The following VPS35L variants were observed in gnomAD, a reference collection of about 807,000 sequenced individuals.
VPS35L encodes VPS35 endosomal protein-sorting factor-like.
VPS35L carries 83 observed loss-of-function variants against 133.0 expected under a neutral mutation model. The ratio of observed to expected loss-of-function variants is 0.62; its 90% CI spans 0.52 to 0.75. VPS35L has a LOEUF of 0.75. VPS35L is among the 30% of genes least tolerant of loss of function. The probability of loss-of-function intolerance (pLI) is 0.00; values close to 1 mark genes in which losing one functional copy is unlikely to be tolerated. For synonymous variants in VPS35L, 423 were observed against 449.9 expected (o/e 0.94, Z 0.76); for missense variants, 1,083 against 1,206.8 (o/e 0.90, Z 1.52).
rs1490978135 is a variant in VPS35L at position 19,699,887 on chromosome 16, T to A, written c.2793+239T>A. Among the ~76,000 whole-genome samples, 1 of 152,118 alleles carries A rather than the reference T, an allele frequency of 6.6e-6. No individual in the cohort carries two copies. The highest frequency in any genetic ancestry group is 1.5e-5 in the Non-Finnish European group (1 of 68,026). Reference sequence around the variant, plus strand: ...CTGAGACAGGAGGATCGCTTGAGGCTAAGGGTTTGACACCAGCCTGGGCAA... The same window carrying A: ...CTGAGACAGGAGGATCGCTTGAGGCAAAGGGTTTGACACCAGCCTGGGCAA... On this transcript the variant is annotated intron_variant, in intron 30 of 30. Coordinates refer to ENST00000417362, the MANE Select transcript of VPS35L (RefSeq NM_020314.7). The surrounding 1 kb of genome is among the most constrained non-coding windows in gnomAD (Gnocchi z 4.2).
chr16:19,601,704 T>G lies in VPS35L; in HGVS notation c.765T>G (p.Asp255Glu). 3 of 1,614,208 alleles carry G rather than the reference T, an allele frequency of 1.9e-6. No individual in the cohort carries two copies. The highest frequency in any genetic ancestry group is 2.5e-6 in the Non-Finnish European group (3 of 1,180,036). The change falls in exon 9 of 31, where the codon GAT (aspartate) becomes GAG (glutamate). Residue 255 changes from aspartate to glutamate, a missense_variant. By Grantham distance (45) the Asp-to-Glu change is conservative. Coordinates refer to ENST00000417362, the MANE Select transcript of VPS35L (RefSeq NM_020314.7). ...AGCGCATCTTTTCCATGTGTGTGGATAGCCGCAGCGTCTTACCAGGTAATG... is the reference window on the plus strand; with the variant it reads ...AGCGCATCTTTTCCATGTGTGTGGAGAGCCGCAGCGTCTTACCAGGTAATG... The part of the protein sequence containing the change: ...VYERIFSMCV[D>E]SRSVLPDHFS...
At chr16:19,694,900 G>T (rs971427524) in intron 29 of VPS35L, among the ~76,000 whole-genome samples, 2 of 152,014 alleles carry the variant, frequency 1.3e-5, no homozygotes, top group Non-Finnish European at 2.9e-5. Context: ...CAGCTACTTG[G>T]GAGGCTGAGG....
At chr16:19,638,147 A>T (rs1272204809) in intron 20 of VPS35L, among the ~76,000 whole-genome samples, 1 of 152,228 alleles carries the variant, frequency 6.6e-6, no homozygotes, top group East Asian at 1.9e-4. Flanking sequence ...GCCCTGGGCA[A>T]GTAGGGAATC....
At chr16:19,663,779 A>G (rs533590903) in intron 26 of VPS35L, among the ~76,000 whole-genome samples, 2 of 149,344 alleles carry the variant, frequency 1.3e-5, no homozygotes, top group Non-Finnish European at 3.0e-5. Flanking sequence ...TCCAACAGGA[A>G]TGATTGACCC....
intron 28 of VPS35L, among the ~76,000 whole-genome samples, chr16:19,688,940 A>T (rs767289239): frequency 1.1e-4 from 17 of 152,240 alleles, no homozygotes; most frequent in Admixed American, 5.2e-4. Context: ...GTAGGGACCA[A>T]CTAAATACAT....
chr16:19,600,860 A>G (rs1972360637), intron 8 of VPS35L, among the ~76,000 whole-genome samples: 1 of 152,228 alleles, frequency 6.6e-6, no homozygotes, highest in South Asian at 2.1e-4. Context: ...AGATATCGCC[A>G]CATTTTTGAC....
chr16:19,631,487 G>T (rs1169548799), intron 18 of VPS35L, among the ~76,000 whole-genome samples: 1 of 151,630 alleles, frequency 6.6e-6, no homozygotes, highest in African/African-American at 2.4e-5. Context: ...GATTTTTGTG[G>T]TTTTTTTTGG....
At chr16:19,597,364 A>G (rs1972249240) in intron 8 of VPS35L, among the ~76,000 whole-genome samples, 1 of 127,944 alleles carries the variant, frequency 7.8e-6, no homozygotes, top group South Asian at 2.3e-4. Flanking sequence ...ACCCTGTCTC[A>G]AAAAGAAGAA....
Position 19,633,415 on chromosome 16 carries a change from C to CG in VPS35L, c.1635+243_1635+244insG, listed in dbSNP as rs1326594332. On this transcript the variant is annotated intron_variant, in intron 19 of 30. Transcript: ENST00000417362. The surrounding 1 kb of genome is among the most constrained non-coding windows in gnomAD (Gnocchi z 4.1). Reference sequence around the variant, plus strand: ...GAGTTACTGTGAGGATGAAGTGAAGCCCTCACACAGTGGCCTGGCACGTGG... The same window carrying CG: ...GAGTTACTGTGAGGATGAAGTGAAGCGCCTCACACAGTGGCCTGGCACGTGG... 6.6e-6 allele frequency among the ~76,000 whole-genome samples: 1 copy of CG among 152,184 alleles called. No homozygotes were observed. The highest frequency in any genetic ancestry group is 2.4e-5 in the African/African-American group (1 of 41,454).
rs943178501 is a variant in VPS35L, at chr16:19,632,367, C to G, written c.1555-725C>G. On this transcript the variant is annotated intron_variant, in intron 18 of 30. Coordinates refer to ENST00000417362, the MANE Select transcript of VPS35L (RefSeq NM_020314.7). ...TGTTGAAATCTGGTTGAAAATAAGG[C>G]TTCTCCATTGCAATAGACATTTTAG... 5.3e-5 allele frequency among the ~76,000 whole-genome samples: 8 copies of G among 152,286 alleles called. 1 individual carries two copies. The East Asian group carries it at 1.2e-3, about 22-fold the overall frequency.
chr16:19,649,778 T>G (rs1219151697), intron 24 of VPS35L, among the ~76,000 whole-genome samples: 2 of 152,346 alleles, frequency 1.3e-5, no homozygotes, highest in East Asian at 1.9e-4. Context: ...ATTTGTTTGC[T>G]GGTTAGCAAG....
chr16:19,615,680 A>C (rs1255233717), intron 12 of VPS35L, among the ~76,000 whole-genome samples: 1 of 143,798 alleles, frequency 7.0e-6, no homozygotes, highest in Non-Finnish European at 1.5e-5. Context: ...TAAGGAAAAA[A>C]AAAATAGGCC....
In VPS35L at chr16:19,593,287, G is replaced by A. The variant is rs917789693; in HGVS notation, c.724+1413G>A. Among the ~76,000 whole-genome samples the A allele has an allele frequency of 4.6e-5, 7 of 152,242 alleles. No homozygotes were observed. The South Asian group carries it at 1.2e-3, about 27-fold the overall frequency. ...CCCACCAGAACCAGGAAATAGGGGC[G>A]CCTTCTGAGAGCTGAACACGTGGAA... On this transcript the variant is annotated intron_variant, in intron 8 of 30. Transcript: ENST00000417362.
intron 19 of VPS35L, among the ~76,000 whole-genome samples, chr16:19,635,014 C>T (rs548567294): frequency 2.0e-5 from 3 of 152,228 alleles, no homozygotes; most frequent in Admixed American, 6.5e-5. Flanking sequence ...GTCACACATG[C>T]GCAGATTGAG....
At chr16:19,667,799 T>C (rs1974745369) in intron 26 of VPS35L, among the ~76,000 whole-genome samples, 1 of 152,098 alleles carries the variant, frequency 6.6e-6, no homozygotes, top group Non-Finnish European at 1.5e-5. Context: ...TTGGTCTCAT[T>C]GCCACAGTTT....
chr16:19,676,034 C>T (rs1975052716), intron 27 of VPS35L, among the ~76,000 whole-genome samples: 1 of 152,090 alleles, frequency 6.6e-6, no homozygotes, highest in Non-Finnish European at 1.5e-5. Flanking sequence ...GGTGGATCAC[C>T]TGAAGTCAGG....
intron 14 of VPS35L, chr16:19,617,052 G>T: frequency 1.6e-6 from 1 of 635,556 alleles, no homozygotes; most frequent in Non-Finnish European, 2.8e-6. Flanking sequence ...CCTAAGTGAG[G>T]CCACACAGCT....
rs974030272 is a variant in VPS35L at position 19,610,475 on chromosome 16, C to T, written c.1023+60C>T. 3.0e-6 allele frequency: 4 copies of T among 1,339,204 alleles called. No individual in the cohort carries two copies. The African/African-American group carries it at 5.8e-5, about 19-fold the overall frequency. 83.0% of individuals were successfully genotyped at this position (1,339,204 alleles called of 1,614,324 possible). The stretch of plus-strand genomic sequence containing the variant: ...GCTGCCACCCGTCTCCTTGAATGTT[C>T]ACACAGGGCCCTCCTTCCCCACCAC... On this transcript the variant is annotated intron_variant, in intron 12 of 30. Transcript: ENST00000417362.
intron 27 of VPS35L, among the ~76,000 whole-genome samples, chr16:19,677,859 C>T (rs1480765731): frequency 6.6e-6 from 1 of 152,174 alleles, no homozygotes; most frequent in Non-Finnish European, 1.5e-5. Flanking sequence ...GGTTCCTTTT[C>T]TAAAGGGCTT....
Sources: allele counts gnomAD v4.1 joint callset (sites outside exome capture counted in the v4.1 genomes callset), GRCh38; gene constraint gnomAD v4.1.1; non-coding constraint Gnocchi (gnomAD v3.1); transcripts MANE v1.5; gene names NCBI Gene and HGNC (gene_info 2026-07-23, HGNC 2026-07-21).